The following MYO1E variants were observed in gnomAD, a reference collection of about 807,000 sequenced individuals.
The protein encoded by MYO1E is myosin IE.
Under a neutral mutation model 151.1 loss-of-function variants are expected in MYO1E, and 68 were observed. That is an observed-to-expected ratio of 0.45 (90% CI 0.37 to 0.55). The LOEUF is 0.55. Among genes scored for constraint, MYO1E ranks in the 20% least tolerant of loss-of-function variants. The pLI is 0.00. For synonymous variants in MYO1E, 601 were observed against 501.7 expected, an observed-to-expected ratio of 1.20 and a Z score of -2.64; for missense variants, 1,363 against 1,389.3, an observed-to-expected ratio of 0.98 and a Z score of 0.30.
intron 1 of MYO1E, among the ~76,000 whole-genome samples, chr15:59,360,425 G>A (rs1567024734): frequency 6.6e-6 from 1 of 152,140 alleles, no homozygotes; most frequent in South Asian, 2.1e-4. Context: ...AGAGGTGGGC[G>A]AAAATGCAGA....
chr15:59,363,194 G>C (rs903841005), intron 1 of MYO1E, among the ~76,000 whole-genome samples: 1 of 152,090 alleles, frequency 6.6e-6, no homozygotes, highest in East Asian at 1.9e-4. Flanking sequence ...AGCCAGGATG[G>C]TCTCGATCTC....
intron 1 of MYO1E, among the ~76,000 whole-genome samples, chr15:59,325,899 C>G (rs1206331732): frequency 6.6e-6 from 1 of 152,162 alleles, no homozygotes; most frequent in Admixed American, 6.5e-5. Context: ...CCTTCCAGCT[C>G]TAACCCCCAT....
intron 16 of MYO1E, among the ~76,000 whole-genome samples, chr15:59,201,599 T>C (rs2079802662): frequency 6.6e-6 from 1 of 152,090 alleles, no homozygotes; most frequent in Non-Finnish European, 1.5e-5. Flanking sequence ...AGACAGGGTT[T>C]CTCCATGTTG....
chr15:59,345,682 G>A (rs911600946), intron 1 of MYO1E, among the ~76,000 whole-genome samples: 2 of 152,230 alleles, frequency 1.3e-5, no homozygotes, highest in Non-Finnish European at 2.9e-5. Context: ...ACCAGGAATA[G>A]AACATTGTTA....
At chr15:59,322,619 T>C (rs2080634153) in intron 1 of MYO1E, among the ~76,000 whole-genome samples, 1 of 152,134 alleles carries the variant, frequency 6.6e-6, no homozygotes, top group African/African-American at 2.4e-5. Context: ...TGAAAGGAAA[T>C]TGTCCTGCTT....
intron 2 of MYO1E, among the ~76,000 whole-genome samples, chr15:59,264,055 C>T (rs1222849460): frequency 6.6e-6 from 1 of 152,182 alleles, no homozygotes. Context: ...TGTCCCTTAT[C>T]CAAAATGCTT....
In MYO1E at chr15:59,136,774, T is replaced by C. The variant is rs1401984350; in HGVS notation, c.*606A>G. On this transcript the variant is annotated 3_prime_UTR_variant, in exon 28 of 28. Transcript: ENST00000288235. ...AGCCCAGCCCCCAGCCCCCAGCCCC[T>C]GACCTGCTTGGCGGCCCTGATGGTC... 3 of 452,534 alleles carry C rather than the reference T, an allele frequency of 6.6e-6. No homozygotes were observed. Among genetic ancestry groups the C allele is most frequent in the Admixed American group, 2.4e-5 (1 of 42,328 alleles). The allele number at this position is 452,534 out of a possible 1,614,324, so 28.0% of individuals were successfully genotyped here.
intron 12 of MYO1E, among the ~76,000 whole-genome samples, chr15:59,213,615 C>G (rs1318306348): frequency 1.3e-5 from 2 of 148,326 alleles, no homozygotes; most frequent in African/African-American, 2.5e-5. Flanking sequence ...TATGCCACCA[C>G]GTCCAGCTAA....
In MYO1E at chr15:59,171,985, T is replaced by C; in HGVS notation, c.2392A>G (p.Lys798Glu). 6.2e-7 allele frequency: 1 copy of C among 1,614,190 alleles called. No individual in the cohort carries two copies. Among genetic ancestry groups the C allele is most frequent in the Non-Finnish European group, 8.5e-7 (1 of 1,180,026 alleles). The part of the protein sequence containing the change: ...PKCLYLIGRE[K>E]VKQGPDKGLV... ...CCCTTGTCTGGGCCCTGTTTGACTT[T>C]TTCTCGTCCGATTAAGTACAAGCAC... The change falls in exon 22 of 28, where the codon AAA becomes GAA. Residue 798 changes from lysine (K) to glutamate (E), a missense_variant. Lys to Glu is a moderately conservative substitution (Grantham distance 56). Transcript: ENST00000288235.
chr15:59,173,181 G>C (rs186519326), intron 21 of MYO1E, among the ~76,000 whole-genome samples: 72 of 152,238 alleles, frequency 4.7e-4, no homozygotes, highest in Non-Finnish European at 7.3e-5. Context: ...AATATTACTT[G>C]ATACTCTGAA....
intron 26 of MYO1E, among the ~76,000 whole-genome samples, chr15:59,151,881 T>TACA (rs1352861765): frequency 6.9e-6 from 1 of 145,722 alleles, no homozygotes; most frequent in Non-Finnish European, 1.5e-5. Context: ...CTCTTGTCTC[T>TACA]ACAAAAATAC....
In MYO1E at chr15:59,350,356, T is replaced by A. The variant is rs1363119859; in HGVS notation, c.3+22142A>T. Among the ~76,000 whole-genome samples, 1 of 152,220 alleles carries A rather than the reference T, an allele frequency of 6.6e-6. No individual in the cohort carries two copies. Among genetic ancestry groups the A allele is most frequent in the Non-Finnish European group, 1.5e-5 (1 of 68,040 alleles). On this transcript the variant is annotated intron_variant, in intron 1 of 27. Transcript: ENST00000288235. The surrounding 1 kb of genome is among the most constrained non-coding windows in gnomAD (Gnocchi z 5.0). ...CAGTTTCATTACCTTCTATTCACCA[T>A]GACTGTAGTCGTAGACACTCAGAAA...
At chr15:59,182,024 T>C (rs2079664230) in intron 18 of MYO1E, among the ~76,000 whole-genome samples, 1 of 152,204 alleles carries the variant, frequency 6.6e-6, no homozygotes, top group Non-Finnish European at 1.5e-5. Context: ...CCCAGACTCA[T>C]GCGTCTTATG....
At position 59,267,305 on chromosome 15, in the gene MYO1E, A is replaced by G. The variant is rs1370469325; in HGVS notation, c.147+5001T>C. Among the ~76,000 whole-genome samples, 5 of 152,086 alleles carry G rather than the reference A, an allele frequency of 3.3e-5. No individual in the cohort carries two copies. In the East Asian group the frequency reaches 5.8e-4, roughly 18 times the overall value. On this transcript the variant is annotated intron_variant, in intron 2 of 27. Coordinates refer to ENST00000288235, the MANE Select transcript of MYO1E (RefSeq NM_004998.4). The stretch of plus-strand genomic sequence containing the variant: ...CTCCCAAAGTGCTGGGATTACAGGC[A>G]TGAGCCACTGTGCCCAGCCGGTTAA...
intron 23 of MYO1E, among the ~76,000 whole-genome samples, chr15:59,162,407 G>A (rs749661248): frequency 5.9e-5 from 9 of 152,080 alleles, no homozygotes; most frequent in East Asian, 1.9e-4. Flanking sequence ...ACTTTGGGAC[G>A]CCGAGGCGGG....
At chr15:59,203,015 G>C (rs1387880633) in intron 15 of MYO1E, among the ~76,000 whole-genome samples, 2 of 152,178 alleles carry the variant, frequency 1.3e-5, no homozygotes, top group African/African-American at 4.8e-5. Flanking sequence ...TGAAGTGTTG[G>C]GACTACAGGC....
At chr15:59,336,742 C>G (rs1410403659) in intron 1 of MYO1E, among the ~76,000 whole-genome samples, 2 of 152,002 alleles carry the variant, frequency 1.3e-5, no homozygotes, top group African/African-American at 4.8e-5. Flanking sequence ...TACCCCTCCC[C>G]TAGCCCCCCA....
At chr15:59,246,404 T>A (rs1407661489) in intron 4 of MYO1E, among the ~76,000 whole-genome samples, 1 of 152,216 alleles carries the variant, frequency 6.6e-6, no homozygotes, top group African/African-American at 2.4e-5. Flanking sequence ...ATGCCCAGCT[T>A]CACTATCATT....
chr15:59,287,353 C>T (rs1245376184), intron 1 of MYO1E, among the ~76,000 whole-genome samples: 1 of 152,198 alleles, frequency 6.6e-6, no homozygotes, highest in Non-Finnish European at 1.5e-5. Flanking sequence ...TCCTTCCCGA[C>T]AGACTTTCTG....
Sources: allele counts gnomAD v4.1 joint callset (sites outside exome capture counted in the v4.1 genomes callset), GRCh38; gene constraint gnomAD v4.1.1; non-coding constraint Gnocchi (gnomAD v3.1); transcripts MANE v1.5; gene names NCBI Gene and HGNC (gene_info 2026-07-23, HGNC 2026-07-21).